The following PTPRN2 variants were observed in gnomAD, a reference collection of about 807,000 sequenced individuals.
PTPRN2 encodes protein tyrosine phosphatase receptor type N2.
Under a neutral mutation model 118.8 loss-of-function variants are expected in PTPRN2, and 74 were observed. The observed-to-expected ratio is 0.62, with a 90% CI of 0.52 to 0.76. PTPRN2 has a LOEUF of 0.76. Among genes scored for constraint, PTPRN2 ranks in the 30% least tolerant of loss-of-function variants. The pLI, the probability that PTPRN2 is intolerant of heterozygous loss-of-function variation, is 0.00. For synonymous variants in PTPRN2, 641 were observed against 608.0 expected (o/e 1.05, Z -0.80); for missense variants, 1,481 against 1,394.4 (o/e 1.06, Z -0.99).
intron 2 of PTPRN2, among the ~76,000 whole-genome samples, chr7:158,487,180 G>T (rs143753141): frequency 3.9e-5 from 6 of 152,346 alleles, no homozygotes; most frequent in Non-Finnish European, 7.3e-5. Flanking sequence ...TCGCCCATCA[G>T]TGGACACTGG....
chr7:158,130,353 A>T (rs1818072742), intron 9 of PTPRN2, among the ~76,000 whole-genome samples: 1 of 151,898 alleles, frequency 6.6e-6, no homozygotes. Context: ...CATCTACCCG[A>T]CACACACACT....
intron 3 of PTPRN2, among the ~76,000 whole-genome samples, chr7:158,306,377 G>A (rs1801286247): frequency 6.6e-6 from 1 of 152,184 alleles, no homozygotes; most frequent in African/African-American, 2.4e-5. Context: ...TCTCACCACT[G>A]GCTGATGTAG....
At chr7:158,174,124 T>C (rs1460335317) in intron 5 of PTPRN2, among the ~76,000 whole-genome samples, 2 of 152,242 alleles carry the variant, frequency 1.3e-5, no homozygotes, top group Non-Finnish European at 1.5e-5. Flanking sequence ...TCACAATTTA[T>C]GTTCAGAGAC....
chr7:158,001,571 C>G (rs931605988), intron 11 of PTPRN2, among the ~76,000 whole-genome samples: 3 of 152,002 alleles, frequency 2.0e-5, no homozygotes, highest in Non-Finnish European at 4.4e-5. Context: ...ACCGGGAGGG[C>G]GGCACTTCAG....
At position 158,132,920 on chromosome 7, in the gene PTPRN2, C is replaced by T. The variant is rs113155393; in HGVS notation, c.1556+757G>A. On this transcript the variant is annotated intron_variant, in intron 9 of 22. Transcript: ENST00000389418. ...GGGTGTGTGTACATCCAGGCAGACA[C>T]GTCCTTCTCTTTGAAACACCAATTC... 7.2e-3 allele frequency among the ~76,000 whole-genome samples: 1,095 copies of T among 152,272 alleles called. 13 individuals are homozygous for T. Among genetic ancestry groups the T allele is most frequent in the Middle Eastern group, 0.024 (7 of 294 alleles).
intron 3 of PTPRN2, among the ~76,000 whole-genome samples, chr7:158,271,706 C>G (rs1798525554): frequency 6.6e-6 from 1 of 152,228 alleles, no homozygotes; most frequent in Admixed American, 6.5e-5. Context: ...TCTCACAGTT[C>G]TGGAGATACC....
At chr7:158,310,413 C>T (rs1024665986) in intron 3 of PTPRN2, among the ~76,000 whole-genome samples, 22 of 152,234 alleles carry the variant, frequency 1.4e-4, no homozygotes, top group African/African-American at 3.6e-4. Context: ...CACTATCGGA[C>T]GGTGGAGAAG....
chr7:157,743,279 C>T (rs1047936861), intron 12 of PTPRN2, among the ~76,000 whole-genome samples: 4 of 152,184 alleles, frequency 2.6e-5, no homozygotes, highest in Non-Finnish European at 5.9e-5. Context: ...ATGTCAGCCG[C>T]CTTCCACAGC....
intron 3 of PTPRN2, among the ~76,000 whole-genome samples, chr7:158,259,706 C>T (rs1276371136): frequency 1.3e-5 from 2 of 148,568 alleles, no homozygotes; most frequent in East Asian, 2.1e-4. Flanking sequence ...CCTTGTGTCC[C>T]GGGTGTACAG....
intron 1 of PTPRN2, among the ~76,000 whole-genome samples, chr7:158,579,889 T>C (rs1449761508): frequency 1.3e-5 from 2 of 152,242 alleles, no homozygotes; most frequent in South Asian, 2.1e-4. Context: ...TGCCGCTCCA[T>C]AGGAACTGAT....
intron 12 of PTPRN2, among the ~76,000 whole-genome samples, chr7:157,735,470 G>A (rs1166147696): frequency 3.3e-5 from 5 of 152,168 alleles, no homozygotes; most frequent in South Asian, 2.1e-4. Context: ...TGTGTGCAGC[G>A]GCCCAGGAAG....
At chr7:158,072,059 G>GTGGTGGTGGAGGTGCTCA (rs1811956298) in intron 11 of PTPRN2, among the ~76,000 whole-genome samples, 1 of 132,886 alleles carries the variant, frequency 7.5e-6, no homozygotes, top group Non-Finnish European at 1.6e-5. Flanking sequence ...GGAGGTTCCC[G>GTGGTGGTGGAGGTGCTCA]TGGTGGTGGA....
chr7:158,347,035 T>A (rs559985263), intron 2 of PTPRN2, among the ~76,000 whole-genome samples: 1 of 152,350 alleles, frequency 6.6e-6, no homozygotes, highest in East Asian at 1.9e-4. Flanking sequence ...GCAAATATTT[T>A]CTCCCCATCC....
intron 2 of PTPRN2, among the ~76,000 whole-genome samples, chr7:158,409,556 A>G (rs991830393): frequency 6.6e-6 from 1 of 152,188 alleles, no homozygotes; most frequent in Non-Finnish European, 1.5e-5. Flanking sequence ...CATGCCTGAA[A>G]AGGACCGTGG....
chr7:157,946,262 C>T (rs1215766790), intron 11 of PTPRN2, among the ~76,000 whole-genome samples: 1 of 151,934 alleles, frequency 6.6e-6, no homozygotes, highest in Non-Finnish European at 1.5e-5. Flanking sequence ...AGTTTTGTAG[C>T]TCTTTCTGCG....
rs78101910 is a variant in PTPRN2 at position 158,339,078 on chromosome 7, G to C, written c.164-22146C>G. 2.7e-3 allele frequency among the ~76,000 whole-genome samples: 8 copies of C among 2,952 alleles called. 1 individual carries two copies. The highest frequency in any genetic ancestry group is 6.7e-3 in the Admixed American group (3 of 448). The allele number at this position is 2,952 out of a possible 152,430, so 1.9% of individuals were successfully genotyped here. A position where few individuals can be genotyped will look rare whatever the true frequency, so the allele number is the denominator to read the frequency against. On this transcript the variant is annotated intron_variant, in intron 2 of 22. Coordinates refer to ENST00000389418, the MANE Select transcript of PTPRN2 (RefSeq NM_002847.5). ...CATAAGAGCTGTCGCCCGCAGACGTGACTCACACCCACACTCTCCCCATAA... is the reference window on the plus strand; with the variant it reads ...CATAAGAGCTGTCGCCCGCAGACGTCACTCACACCCACACTCTCCCCATAA...
rs577555915 is a variant in PTPRN2 at position 158,514,155 on chromosome 7, A to AG, written c.113-24371dup. Among the ~76,000 whole-genome samples, 99 of 152,286 alleles carry AG rather than the reference A, an allele frequency of 6.5e-4. 1 individual carries two copies. The South Asian group carries it at 0.02, about 31-fold the overall frequency. ...CAGGACTGACATAGAAGGATTATTC[A>AG]GGGGGCCCTAATCTTTCTCTTCTGT... On this transcript the variant is annotated intron_variant, in intron 1 of 22. Coordinates refer to ENST00000389418, the MANE Select transcript of PTPRN2 (RefSeq NM_002847.5).
chr7:158,243,740 T>TA (rs1796024602), intron 3 of PTPRN2, among the ~76,000 whole-genome samples: 1 of 152,158 alleles, frequency 6.6e-6, no homozygotes, highest in East Asian at 1.9e-4. Flanking sequence ...TGCTTAGTAC[T>TA]AGGTACCTCC....
rs149280076 is a variant in PTPRN2, at chr7:158,238,682, G to A, written c.278-33409C>T. On this transcript the variant is annotated intron_variant, in intron 3 of 22. Coordinates refer to ENST00000389418, the MANE Select transcript of PTPRN2 (RefSeq NM_002847.5). ...GGAAGCACGGGTCGCAGCTCCACAC[G>A]GACAGAGGCTCCTGGGACCTGGGAC... Among the ~76,000 whole-genome samples, 24 of 152,252 alleles carry A rather than the reference G, an allele frequency of 1.6e-4. No homozygotes were observed. In the South Asian group the frequency reaches 1.9e-3, roughly 12 times the overall value.
Sources: gnomAD v4.1 joint callset for allele counts (sites outside exome capture counted in the v4.1 genomes callset) on GRCh38, gnomAD v4.1.1 for gene constraint, MANE v1.5 for transcripts, NCBI Gene and HGNC (gene_info 2026-07-23, HGNC 2026-07-21) for gene names.